The following KAZN variants were observed in gnomAD, a reference collection of about 807,000 sequenced individuals.
The protein encoded by KAZN is kazrin, periplakin interacting protein, also known as kazrin.
KAZN carries 40 observed loss-of-function variants against 87.4 expected under a neutral mutation model. The observed-to-expected ratio is 0.46, with a 90% CI of 0.36 to 0.60. The LOEUF (loss-of-function observed/expected upper bound fraction) is 0.60. Among genes scored for constraint, KAZN ranks in the 20% least tolerant of loss-of-function variants. KAZN has a pLI of 0.00. For synonymous variants in KAZN, 466 were observed against 458.3 expected (o/e 1.02, Z -0.22); for missense variants, 898 against 1,073.9 (o/e 0.84, Z 2.29).
chr1:15,033,893 C>A (rs1422904285), intron 2 of KAZN, among the ~76,000 whole-genome samples: 1 of 152,178 alleles, frequency 6.6e-6, no homozygotes, highest in Non-Finnish European at 1.5e-5. Flanking sequence ...CACACACCAC[C>A]ACGCCTGGCT....
intron 2 of KAZN, among the ~76,000 whole-genome samples, chr1:14,429,270 C>G (rs192352593): frequency 8.9e-4 from 135 of 152,292 alleles, no homozygotes; most frequent in African/African-American, 3.2e-3. Context: ...TCCTGGGTCT[C>G]CAAACTTTTC....
intron 1 of KAZN, among the ~76,000 whole-genome samples, chr1:14,828,486 G>A (rs75457422): frequency 6.6e-6 from 1 of 152,144 alleles, no homozygotes; most frequent in Non-Finnish European, 1.5e-5. Context: ...CTAAGAGGAG[G>A]GTGCATGAGC....
chr1:14,797,050 G>GT (rs1016798310), intron 1 of KAZN, among the ~76,000 whole-genome samples: 4 of 152,046 alleles, frequency 2.6e-5, no homozygotes, highest in African/African-American at 7.2e-5. Context: ...GTGGTGCTGG[G>GT]TTTTTTTGTT....
intron 1 of KAZN, among the ~76,000 whole-genome samples, chr1:14,013,055 G>A (rs182559940): frequency 3.3e-5 from 5 of 152,242 alleles, no homozygotes; most frequent in Non-Finnish European, 7.4e-5. Flanking sequence ...CCCTGTGACA[G>A]CTCTTCAGAT....
chr1:14,230,438 C>T (rs1044887554), intron 2 of KAZN, among the ~76,000 whole-genome samples: 1 of 152,162 alleles, frequency 6.6e-6, no homozygotes, highest in African/African-American at 2.4e-5. Flanking sequence ...TTATCTCCCC[C>T]ACTCCTTTTT....
intron 2 of KAZN, among the ~76,000 whole-genome samples, chr1:14,511,747 A>G (rs1046492056): frequency 6.6e-6 from 1 of 152,240 alleles, no homozygotes; most frequent in Non-Finnish European, 1.5e-5. Context: ...TTTTGGATAA[A>G]TATTAAATGA....
chr1:13,928,481 A>C lies in KAZN; in HGVS notation c.91+34725A>C, dbSNP rs148219496. Reference sequence around the variant, plus strand: ...TAAGTGACTTGCCCAAGGTCACACAACATCAGTATGGCTTCTGAAATCATG... The same window carrying C: ...TAAGTGACTTGCCCAAGGTCACACACCATCAGTATGGCTTCTGAAATCATG... On this transcript the variant is annotated intron_variant, in intron 1 of 16. Coordinates refer to the KAZN transcript ENST00000636203. Among the ~76,000 whole-genome samples, 423 of 152,368 alleles carry C rather than the reference A, an allele frequency of 2.8e-3. 2 individuals are homozygous for C. Among genetic ancestry groups the C allele is most frequent in the African/African-American group, 9.9e-3 (410 of 41,578 alleles).
At chr1:14,863,291 A>G (rs1181797525) in intron 1 of KAZN, among the ~76,000 whole-genome samples, 1 of 152,226 alleles carries the variant, frequency 6.6e-6, no homozygotes, top group East Asian at 1.9e-4. Context: ...CAAGAGTCCA[A>G]AGAGGGAGAG....
chr1:14,411,387 C>G (rs1227575576), intron 2 of KAZN, among the ~76,000 whole-genome samples: 2 of 152,162 alleles, frequency 1.3e-5, no homozygotes, highest in Non-Finnish European at 2.9e-5. Flanking sequence ...CTCCGTCTCC[C>G]TAGTTCAAGC....
intron 1 of KAZN, among the ~76,000 whole-genome samples, chr1:13,969,147 T>G (rs993350609): frequency 4.6e-5 from 7 of 152,204 alleles, no homozygotes; most frequent in Non-Finnish European, 1.0e-4. Context: ...GTTTCTGCCC[T>G]CAGGAAGTTT....
chr1:14,933,137 G>C lies in KAZN; in HGVS notation c.227-27547G>C, dbSNP rs150961198. ...ATGGAGTTTCGCCCTTGTTGCCCAA[G>C]CTGGAGTCCAATGGCACAATCTTGG... On this transcript the variant is annotated intron_variant, in intron 1 of 14. Coordinates refer to ENST00000376030, the MANE Select transcript of KAZN (RefSeq NM_201628.3). Among the ~76,000 whole-genome samples the C allele has an allele frequency of 3.5e-3, 526 of 152,296 alleles. 5 individuals are homozygous for C. The highest frequency in any genetic ancestry group is 0.012 in the African/African-American group (494 of 41,548).
At chr1:14,912,771 A>T (rs191540629) in intron 1 of KAZN, among the ~76,000 whole-genome samples, 12 of 152,338 alleles carry the variant, frequency 7.9e-5, no homozygotes, top group Admixed American at 5.9e-4. Context: ...CCGGTTTAAA[A>T]AAATTTTTTT....
At chr1:14,487,250 C>T (rs977917340) in intron 2 of KAZN, among the ~76,000 whole-genome samples, 1 of 152,198 alleles carries the variant, frequency 6.6e-6, no homozygotes, top group African/African-American at 2.4e-5. Context: ...AAAAGGCAAA[C>T]ATTACAGTAA....
intron 1 of KAZN, among the ~76,000 whole-genome samples, chr1:14,896,574 A>C (rs967055929): frequency 7.2e-5 from 11 of 152,214 alleles, no homozygotes; most frequent in Admixed American, 2.0e-4. Flanking sequence ...CTTATGACTC[A>C]TCAGTAGAGA....
chr1:14,105,553 A>T (rs1644351175), intron 1 of KAZN, among the ~76,000 whole-genome samples: 1 of 152,170 alleles, frequency 6.6e-6, no homozygotes, highest in Non-Finnish European at 1.5e-5. Flanking sequence ...CTAACCTATT[A>T]GTTTTAGAAG....
intron 1 of KAZN, among the ~76,000 whole-genome samples, chr1:13,903,731 G>A (rs1447876525): frequency 6.6e-6 from 1 of 152,336 alleles, no homozygotes; most frequent in Admixed American, 6.5e-5. Flanking sequence ...TCTCTGCCAG[G>A]CTAGGGAATT....
intron 1 of KAZN, among the ~76,000 whole-genome samples, chr1:14,641,404 A>T (rs1183531743): frequency 2.0e-5 from 3 of 152,158 alleles, no homozygotes; most frequent in African/African-American, 7.2e-5. Flanking sequence ...TCTAAGTAAA[A>T]TGGAAGTTTC....
In KAZN at chr1:15,096,850, C is replaced by T. The variant is rs1287941731; in HGVS notation, c.1547+1917C>T. ...CAAAGGCCCCAGCCACAAATACCAT[C>T]ACATCGAAGGTTAGGATTTCAGCAT... On this transcript the variant is annotated intron_variant, in intron 10 of 14. Transcript: ENST00000376030. The surrounding 1 kb of genome is among the most constrained non-coding windows in gnomAD (Gnocchi z 4.5). Among the ~76,000 whole-genome samples, 1 of 152,156 alleles carries T rather than the reference C, an allele frequency of 6.6e-6. No individual in the cohort carries two copies. The highest frequency in any genetic ancestry group is 1.5e-5 in the Non-Finnish European group (1 of 68,038).
intron 1 of KAZN, among the ~76,000 whole-genome samples, chr1:14,838,037 C>T (rs1047094809): frequency 6.6e-6 from 1 of 152,024 alleles, no homozygotes; most frequent in Admixed American, 6.6e-5. Context: ...TCTGACAGTT[C>T]TGGAGGCTGG....
Sources: allele counts gnomAD v4.1 joint callset (sites outside exome capture counted in the v4.1 genomes callset), GRCh38; gene constraint gnomAD v4.1.1; non-coding constraint Gnocchi (gnomAD v3.1); transcripts MANE v1.5; gene names NCBI Gene and HGNC (gene_info 2026-07-23, HGNC 2026-07-21).